Variants in GREM2 observed in about 807,000 individuals in gnomAD.
GREM2 encodes gremlin 2, DAN family BMP antagonist.
In GREM2, 11 loss-of-function variants were observed where a neutral mutation model predicts 14.2. The ratio of observed to expected loss-of-function variants is 0.78; its 90% CI spans 0.49 to 1.28. GREM2 has a LOEUF of 1.28. Ranked by LOEUF, GREM2 falls within the 50% of genes most tolerant of loss-of-function variation. The pLI is 0.00. For synonymous variants in GREM2, 98 were observed against 97.6 expected, an observed-to-expected ratio of 1.00 and a Z score of -0.02; for missense variants, 210 against 218.5, an observed-to-expected ratio of 0.96 and a Z score of 0.24.
Position 240,493,266 on chromosome 1 carries a change from A to C in GREM2, c.210T>G (p.Ser70Arg). 6.2e-7 allele frequency: 1 copy of C among 1,613,592 alleles called. No homozygotes were observed. Among genetic ancestry groups the C allele is most frequent in the Non-Finnish European group, 8.5e-7 (1 of 1,179,800 alleles). The change falls in exon 2 of 2, where the codon AGT (serine) becomes AGG (arginine). Residue 70 changes from serine (S) to arginine (R), a missense_variant. Physicochemically the swap from Ser to Arg is moderately radical, Grantham distance 110. Transcript: ENST00000318160. The stretch of plus-strand genomic sequence containing the variant: ...GCAGCGGCTGCGTCTTGCACCAGTC[A>C]CTCTTGAGGTACTTGCGCTCGGTGA... ...LVVTERKYLK[S>R]DWCKTQPLRQ...
At chr1:240,580,590 T>A (rs1679465105) in intron 1 of GREM2, among the ~76,000 whole-genome samples, 1 of 152,184 alleles carries the variant, frequency 6.6e-6, no homozygotes, top group Non-Finnish European at 1.5e-5. Flanking sequence ...CCTTCCTTCC[T>A]TCCTGACAGC....
At chr1:240,503,458 T>C (rs1677613647) in intron 1 of GREM2, among the ~76,000 whole-genome samples, 1 of 152,208 alleles carries the variant, frequency 6.6e-6, no homozygotes, top group African/African-American at 2.4e-5. Context: ...CATTTTAACC[T>C]GCAAATCTGT....
intron 1 of GREM2, among the ~76,000 whole-genome samples, chr1:240,581,945 C>G (rs1320142404): frequency 6.6e-6 from 1 of 152,228 alleles, no homozygotes; most frequent in Non-Finnish European, 1.5e-5. Context: ...CAAGGCAATT[C>G]TGTAATACAG....
intron 1 of GREM2, among the ~76,000 whole-genome samples, chr1:240,565,369 A>T (rs1270885311): frequency 6.6e-6 from 1 of 152,166 alleles, no homozygotes; most frequent in African/African-American, 2.4e-5. Flanking sequence ...ATTTGACTGT[A>T]ACATTTTATC....
At chr1:240,549,134 A>G (rs112835210) in intron 1 of GREM2, among the ~76,000 whole-genome samples, 52,756 of 151,928 alleles carry the variant, frequency 0.35, 9,299 homozygotes, top group East Asian at 0.44. Context: ...TCGGGAGTTC[A>G]AAACCAGCCC....
chr1:240,521,665 A>G (rs1225459900), intron 1 of GREM2, among the ~76,000 whole-genome samples: 6 of 152,226 alleles, frequency 3.9e-5, no homozygotes, highest in African/African-American at 9.6e-5. Context: ...GACATCTGTT[A>G]GAATATTTTC....
intron 1 of GREM2, among the ~76,000 whole-genome samples, chr1:240,559,191 A>C (rs1169221233): frequency 7.2e-5 from 11 of 152,140 alleles, no homozygotes; most frequent in Non-Finnish European, 1.5e-5. Flanking sequence ...TCTACAGTGC[A>C]CTTGGATCTT....
chr1:240,609,109 C>T (rs1439792642), intron 1 of GREM2, among the ~76,000 whole-genome samples: 1 of 152,098 alleles, frequency 6.6e-6, no homozygotes, highest in African/African-American at 2.4e-5. Context: ...AGAGGAAATA[C>T]ATTCATTTTC....
chr1:240,591,251 T>C (rs984099637), intron 1 of GREM2, among the ~76,000 whole-genome samples: 14 of 152,188 alleles, frequency 9.2e-5, no homozygotes, highest in Admixed American at 3.9e-4. Context: ...ATTGGCTCCA[T>C]GAAGGCATGA....
intron 1 of GREM2, chr1:240,531,744 T>C (rs1311852444): frequency 2.1e-6 from 2 of 937,512 alleles, no homozygotes; most frequent in Non-Finnish European, 2.5e-6. Flanking sequence ...GTTTTGCTCT[T>C]GTTGCCCAGA....
chr1:240,515,851 A>G (rs1677943235), intron 1 of GREM2, among the ~76,000 whole-genome samples: 1 of 152,208 alleles, frequency 6.6e-6, no homozygotes, highest in African/African-American at 2.4e-5. Context: ...ATTTCAAACC[A>G]ACTATATTGT....
At chr1:240,533,869 C>T (rs1652223873) in intron 1 of GREM2, among the ~76,000 whole-genome samples, 1 of 152,162 alleles carries the variant, frequency 6.6e-6, no homozygotes, top group African/African-American at 2.4e-5. Context: ...GTGACGAGAG[C>T]CTCAATTCCA....
chr1:240,535,615 C>G (rs10926293), intron 1 of GREM2, among the ~76,000 whole-genome samples: 7,262 of 151,914 alleles, frequency 0.048, 615 homozygotes, highest in African/African-American at 0.17. Context: ...ACCTGGCCAA[C>G]TGGTGAAACC....
At chr1:240,559,760 G>A (rs897038596) in intron 1 of GREM2, among the ~76,000 whole-genome samples, 9 of 152,224 alleles carry the variant, frequency 5.9e-5, no homozygotes, top group Admixed American at 5.2e-4. Flanking sequence ...TGTCAGTTGC[G>A]TTTCTCAAAG....
intron 1 of GREM2, among the ~76,000 whole-genome samples, chr1:240,504,547 A>G (rs1677640166): frequency 6.6e-6 from 1 of 152,196 alleles, no homozygotes; most frequent in Non-Finnish European, 1.5e-5. Context: ...TTGACAGAAG[A>G]AAGTGATAGC....
chr1:240,532,648 G>T (rs1212587172), intron 1 of GREM2, among the ~76,000 whole-genome samples: 63 of 39,010 alleles, frequency 1.6e-3, no homozygotes, highest in African/African-American at 5.2e-3. Context: ...TATATAGATA[G>T]ATAGATAGAT....
intron 1 of GREM2, among the ~76,000 whole-genome samples, chr1:240,609,197 C>T (rs373851453): frequency 6.6e-5 from 10 of 152,144 alleles, no homozygotes; most frequent in African/African-American, 2.4e-4. Flanking sequence ...TGTGCTTCCA[C>T]CCGCTCACGT....
chr1:240,583,119 G>T (rs770039967), intron 1 of GREM2, among the ~76,000 whole-genome samples: 21 of 152,186 alleles, frequency 1.4e-4, no homozygotes, highest in Admixed American at 2.6e-4. Context: ...GTATCTGTCT[G>T]CACAGTGCCT....
chr1:240,514,626 C>A (rs1000492790), intron 1 of GREM2, among the ~76,000 whole-genome samples: 4 of 152,160 alleles, frequency 2.6e-5, no homozygotes, highest in Admixed American at 6.5e-5. Flanking sequence ...AGGCCAGGAG[C>A]AATAGCTCAC....
Sources: allele counts gnomAD v4.1 joint callset (sites outside exome capture counted in the v4.1 genomes callset), GRCh38; gene constraint gnomAD v4.1.1; transcripts MANE v1.5; gene names NCBI Gene and HGNC (gene_info 2026-07-23, HGNC 2026-07-21).